The following LRRC8B variants were observed in gnomAD, a reference collection of about 807,000 sequenced individuals.
LRRC8B encodes the protein leucine rich repeat containing 8 VRAC subunit B, also known as volume-regulated anion channel subunit LRRC8B.
A neutral mutation model predicts 58.8 loss-of-function variants in LRRC8B; 23 were observed. The observed-to-expected ratio is 0.39, with a 90% confidence interval of 0.28 to 0.55. LRRC8B has a LOEUF of 0.55. Ranked by LOEUF, LRRC8B falls within the 20% of genes least tolerant of loss-of-function variation. LRRC8B has a pLI of 0.62. For missense variants in LRRC8B, 694 were observed against 936.0 expected, an observed-to-expected ratio of 0.74 and a Z score of 3.37; for synonymous variants, 359 against 374.1, an observed-to-expected ratio of 0.96 and a Z score of 0.47.
At chr1:89,539,255 C>T (rs941388631) in intron 1 of LRRC8B, among the ~76,000 whole-genome samples, 7 of 152,076 alleles carry the variant, frequency 4.6e-5, no homozygotes, top group Admixed American at 3.9e-4. Flanking sequence ...CCCCATATTG[C>T]CCTCTCCGCC....
chr1:89,589,904 C>G (rs1654873843), intron 5 of LRRC8B, among the ~76,000 whole-genome samples: 1 of 144,840 alleles, frequency 6.9e-6, no homozygotes, highest in Non-Finnish European at 1.6e-5. Flanking sequence ...TTCTCGGGGA[C>G]TTCAATTCAT....
intron 1 of LRRC8B, among the ~76,000 whole-genome samples, chr1:89,567,989 C>T (rs531445572): frequency 6.0e-4 from 92 of 152,156 alleles, no homozygotes; most frequent in African/African-American, 2.0e-3. Flanking sequence ...TTGTATAAAA[C>T]GAGTAGGTCA....
Position 89,584,284 on chromosome 1 carries a change from T to G in LRRC8B, c.1634T>G (p.Leu545Trp), listed in dbSNP as rs758664506. The G allele has an allele frequency of 3.7e-6, 6 of 1,614,008 alleles. No homozygotes were observed. The Admixed American group carries it at 1.0e-4, about 27-fold the overall frequency. Residue 545 changes from leucine (L) to tryptophan (W), a missense_variant, in exon 5 of 6, where the codon TTG becomes TGG. Coordinates refer to ENST00000330947, the MANE Select transcript of LRRC8B (RefSeq NM_001369817.2). ...QDLKNLRTLY[L>W]KSSLSRIPQV... ...TTAAAAAATCTAAGGACCCTGTACT[T>G]GAAGAGCAGCCTCTCCCGGATCCCA...
intron 1 of LRRC8B, among the ~76,000 whole-genome samples, chr1:89,563,259 G>C (rs1471674886): frequency 6.6e-6 from 1 of 151,510 alleles, no homozygotes; most frequent in Non-Finnish European, 1.5e-5. Context: ...TAATTCTGTG[G>C]CATTAAGTTC....
rs36034723 is a variant in LRRC8B at position 89,582,249 on chromosome 1, A to AG, written c.-26-376_-26-375insG. On this transcript the variant is annotated intron_variant, in intron 4 of 5. Transcript: ENST00000330947. The stretch of plus-strand genomic sequence containing the variant: ...AAGAAAAAAAGAAAGAAAGAAAGAA[A>AG]AAAATATTAGTAGCATAGGAACAAG... Among the ~76,000 whole-genome samples the AG allele has an allele frequency of 1.2e-3, 185 of 151,642 alleles. 1 individual carries two copies. Among genetic ancestry groups the AG allele is most frequent in the Non-Finnish European group, 2.5e-4 (17 of 67,790 alleles).
At chr1:89,530,138 C>T (rs191642332) in intron 1 of LRRC8B, among the ~76,000 whole-genome samples, 174 of 150,380 alleles carry the variant, frequency 1.2e-3, no homozygotes, top group Non-Finnish European at 2.0e-3. Context: ...CACCTGAGGT[C>T]AGGAGTTCGA....
intron 1 of LRRC8B, among the ~76,000 whole-genome samples, chr1:89,527,466 T>C (rs1649786808): frequency 6.6e-6 from 1 of 152,262 alleles, no homozygotes; most frequent in Non-Finnish European, 1.5e-5. Context: ...ACTGCTATCC[T>C]GACTCCCAGA....
intron 1 of LRRC8B, among the ~76,000 whole-genome samples, chr1:89,536,038 G>A (rs1650499398): frequency 6.6e-6 from 1 of 152,148 alleles, no homozygotes; most frequent in Non-Finnish European, 1.5e-5. Flanking sequence ...AGAGGGTACT[G>A]TATAGCTGTC....
intron 1 of LRRC8B, chr1:89,527,072 A>T (rs934313236): frequency 1.3e-5 from 2 of 152,238 alleles, no homozygotes; most frequent in African/African-American, 4.8e-5. Flanking sequence ...ATTTTCCTGT[A>T]GTGGCCTGAA....
chr1:89,544,194 G>A (rs1651232499), intron 1 of LRRC8B, among the ~76,000 whole-genome samples: 1 of 152,190 alleles, frequency 6.6e-6, no homozygotes, highest in Non-Finnish European at 1.5e-5. Context: ...GAAGGGAAGG[G>A]AAATGAAGGA....
intron 1 of LRRC8B, among the ~76,000 whole-genome samples, chr1:89,550,321 G>A (rs986293465): frequency 6.6e-6 from 1 of 151,980 alleles, no homozygotes; most frequent in African/African-American, 2.4e-5. Flanking sequence ...CCTTTTTAAC[G>A]AGTTGTTCAT....
intron 5 of LRRC8B, among the ~76,000 whole-genome samples, chr1:89,588,342 T>C (rs1163503760): frequency 1.3e-5 from 2 of 152,258 alleles, no homozygotes; most frequent in Non-Finnish European, 2.9e-5. Flanking sequence ...CATATGAATA[T>C]GCATTGTGCT....
At chr1:89,555,670 G>T (rs1652133581) in intron 1 of LRRC8B, among the ~76,000 whole-genome samples, 1 of 152,194 alleles carries the variant, frequency 6.6e-6, no homozygotes, top group African/African-American at 2.4e-5. Flanking sequence ...TCATGTCAAG[G>T]AGGTGTCCCT....
chr1:89,566,134 G>T (rs984892520), intron 1 of LRRC8B, among the ~76,000 whole-genome samples: 22 of 152,272 alleles, frequency 1.4e-4, no homozygotes, highest in African/African-American at 5.1e-4. Flanking sequence ...GAGACATTGG[G>T]ATACATCCTG....
chr1:89,544,619 G>T (rs1235178671), intron 1 of LRRC8B, among the ~76,000 whole-genome samples: 2 of 150,256 alleles, frequency 1.3e-5, no homozygotes, highest in Non-Finnish European at 3.0e-5. Flanking sequence ...TATCCCAGTG[G>T]GTACTTTAGA....
intron 5 of LRRC8B, among the ~76,000 whole-genome samples, chr1:89,592,442 G>T (rs1320607119): frequency 6.6e-6 from 1 of 152,020 alleles, no homozygotes; most frequent in Non-Finnish European, 1.5e-5. Context: ...TTTTCTTACT[G>T]GTTTGTTTTT....
At chr1:89,567,136 A>G (rs1653105712) in intron 1 of LRRC8B, among the ~76,000 whole-genome samples, 1 of 152,166 alleles carries the variant, frequency 6.6e-6, no homozygotes, top group African/African-American at 2.4e-5. Flanking sequence ...TTGCTTTAAC[A>G]ATCTTTGTCC....
intron 1 of LRRC8B, among the ~76,000 whole-genome samples, chr1:89,554,711 T>G (rs1312262730): frequency 6.6e-6 from 1 of 152,176 alleles, no homozygotes; most frequent in Non-Finnish European, 1.5e-5. Flanking sequence ...GTTGCCTTCC[T>G]TAAATGGATA....
intron 1 of LRRC8B, among the ~76,000 whole-genome samples, chr1:89,534,091 C>T (rs886726201): frequency 2.0e-5 from 3 of 152,140 alleles, no homozygotes; most frequent in East Asian, 1.9e-4. Flanking sequence ...CAAAATTTTA[C>T]GTGGTTAACA....
Sources: gnomAD v4.1 joint callset for allele counts (sites outside exome capture counted in the v4.1 genomes callset) on GRCh38, gnomAD v4.1.1 for gene constraint, MANE v1.5 for transcripts, NCBI Gene and HGNC (gene_info 2026-07-23, HGNC 2026-07-21) for gene names.